Variants in RFX7 observed in about 807,000 individuals in gnomAD.
The protein encoded by RFX7 is DNA-binding protein RFX7.
Under a neutral mutation model 111.8 loss-of-function variants are expected in RFX7, and 26 were observed. The observed-to-expected ratio is 0.23, with a 90% confidence interval of 0.17 to 0.32. RFX7 has a LOEUF of 0.32. RFX7 is among the 10% of genes least tolerant of loss of function. The pLI is 1.00. For synonymous variants in RFX7, 624 were observed against 624.4 expected, an observed-to-expected ratio of 1.00 and a Z score of 0.01; for missense variants, 1,573 against 1,772.9, an observed-to-expected ratio of 0.89 and a Z score of 2.02.
At chr15:56,142,661 A>C in intron 5 of RFX7, 117 bp downstream of exon 5, 1 of 857,592 alleles carries the variant, frequency 1.2e-6, no homozygotes, top group South Asian at 2.0e-5. Flanking sequence ...GAGATTTCTA[A>C]GTGTAATTCC....
At chr15:56,165,812 G>A (rs1030016349) in intron 3 of RFX7, among the ~76,000 whole-genome samples, 3 of 152,188 alleles carry the variant, frequency 2.0e-5, no homozygotes, top group Admixed American at 1.3e-4. Context: ...TAGAAAATAA[G>A]ATGGTACACT....
At chr15:56,138,511 C>G (rs1319585546) in intron 5 of RFX7, among the ~76,000 whole-genome samples, 4 of 148,914 alleles carry the variant, frequency 2.7e-5, no homozygotes, top group African/African-American at 9.8e-5. Flanking sequence ...ATGTGTGTCT[C>G]TGCACGTGAG....
chr15:56,111,250 T>G (rs1177460442), intron 5 of RFX7, among the ~76,000 whole-genome samples: 1 of 149,890 alleles, frequency 6.7e-6, no homozygotes, highest in Non-Finnish European at 1.5e-5. Flanking sequence ...ATGGTTGCCG[T>G]GTCTGTGTAG....
At position 56,102,045 on chromosome 15, in the gene RFX7, T is replaced by C. The variant is rs2041760549; in HGVS notation, c.603+124A>G. ...ACATTTTTCAGCCACTGTGTGATTT[T>C]TTTTTTCTTATTTGTAAAAGGCACA... is the stretch of plus-strand genomic sequence containing the variant. On this transcript the variant is annotated intron_variant, in intron 7 of 9. Coordinates refer to ENST00000559447, the MANE Select transcript of RFX7 (RefSeq NM_022841.7). The C allele has an allele frequency of 5.7e-6, 4 of 695,908 alleles. No individual in the cohort carries two copies. In the South Asian group the frequency reaches 8.4e-5, roughly 15 times the overall value. 43.1% of individuals were successfully genotyped at this position (695,908 alleles called of 1,614,324 possible).
At chr15:56,137,162 A>G (rs566994203) in intron 5 of RFX7, among the ~76,000 whole-genome samples, 52 of 151,942 alleles carry the variant, frequency 3.4e-4, no homozygotes, top group African/African-American at 9.9e-4. Context: ...CTCTTTTTCT[A>G]TTGATTGGAA....
chr15:56,241,073 T>C (rs561598698), intron 2 of RFX7, among the ~76,000 whole-genome samples: 2 of 152,080 alleles, frequency 1.3e-5, no homozygotes, highest in South Asian at 2.1e-4. Context: ...TTTTTGCAAA[T>C]AGGATTTCTA....
intron 5 of RFX7, among the ~76,000 whole-genome samples, chr15:56,121,761 C>T (rs1409023334): frequency 6.6e-6 from 1 of 152,002 alleles, no homozygotes; most frequent in Non-Finnish European, 1.5e-5. Flanking sequence ...GTTCAAATAA[C>T]CTGTTTCAGG....
rs578116205 is a variant in RFX7, at chr15:56,108,103, T to A, written c.402-4433A>T. On this transcript the variant is annotated intron_variant, in intron 5 of 9. Transcript: ENST00000559447. ...AAAAAAAGCCCAGGACCAGATGGAC[T>A]CAAAGCCAAATTCTACCAGAGGTAC... 5.9e-5 allele frequency among the ~76,000 whole-genome samples: 9 copies of A among 152,284 alleles called. No homozygotes were observed. The East Asian group carries it at 1.5e-3, about 26-fold the overall frequency.
chr15:56,160,773 T>C (rs541220798), intron 3 of RFX7: 31 of 152,160 alleles, frequency 2.0e-4, no homozygotes, highest in African/African-American at 6.3e-4. Context: ...GTAAGGAAGA[T>C]AGAGAAAAAG....
chr15:56,100,371 ACT>A (rs1191053448), intron 8 of RFX7, among the ~76,000 whole-genome samples: 3 of 152,156 alleles, frequency 2.0e-5, no homozygotes, highest in Admixed American at 2.0e-4. Flanking sequence ...ACTCTGTGAC[ACT>A]CTTTTTCTGA....
At chr15:56,182,066 C>T (rs1441288336) in intron 2 of RFX7, among the ~76,000 whole-genome samples, 1 of 151,992 alleles carries the variant, frequency 6.6e-6, no homozygotes, top group Non-Finnish European at 1.5e-5. Context: ...AGACCACTAT[C>T]TAGTTGCAGA....
intron 5 of RFX7, among the ~76,000 whole-genome samples, chr15:56,130,832 G>C (rs2042202142): frequency 6.6e-6 from 1 of 151,886 alleles, no homozygotes. Flanking sequence ...CATATAAGAA[G>C]ATACAAAAGA....
intron 1 of RFX7, 47 bp from the exon 2 acceptor site, chr15:56,243,334 A>G: frequency 1.3e-6 from 1 of 799,878 alleles, no homozygotes; most frequent in South Asian, 2.1e-5. Flanking sequence ...GGCGCGGGGA[A>G]GGGTGAGGGA....
At chr15:56,161,765 A>T (rs2042722387) in intron 3 of RFX7, among the ~76,000 whole-genome samples, 1 of 152,050 alleles carries the variant, frequency 6.6e-6, no homozygotes, top group Non-Finnish European at 1.5e-5. Context: ...GTAAGAACCA[A>T]ATGAAATGCT....
At chr15:56,189,049 C>T (rs972431242) in intron 2 of RFX7, among the ~76,000 whole-genome samples, 5 of 152,116 alleles carry the variant, frequency 3.3e-5, no homozygotes, top group African/African-American at 1.2e-4. Flanking sequence ...GAACTCCTGA[C>T]CTCAGGTGAT....
intron 5 of RFX7, among the ~76,000 whole-genome samples, chr15:56,122,781 T>C (rs12592449): frequency 0.2 from 29,777 of 151,922 alleles, 3,340 homozygotes; most frequent in East Asian, 0.44. Context: ...CCCCTTTCCC[T>C]AGTCAGAGGA....
chr15:56,181,220 G>A (rs188261807), intron 2 of RFX7, among the ~76,000 whole-genome samples: 1 of 152,250 alleles, frequency 6.6e-6, no homozygotes, highest in Admixed American at 6.5e-5. Context: ...TGATAGCTCC[G>A]CGGCAGGAGT....
intron 3 of RFX7, among the ~76,000 whole-genome samples, chr15:56,176,108 G>A (rs1300745344): frequency 6.6e-6 from 1 of 152,028 alleles, no homozygotes; most frequent in African/African-American, 2.4e-5. Context: ...TCAGACAACA[G>A]GAAATCTTAA....
rs1161311389 is a variant in RFX7 at position 56,088,697 on chromosome 15, G to A, written c.*4648C>T. 1.2e-4 allele frequency: 19 copies of A among 152,028 alleles called. No individual in the cohort carries two copies. The highest frequency in any genetic ancestry group is 4.6e-4 in the African/African-American group (19 of 41,400). 9.4% of individuals were successfully genotyped at this position (152,028 alleles called of 1,614,324 possible). A position where few individuals can be genotyped will look rare whatever the true frequency, so the allele number is the denominator to read the frequency against. ...CATGTCAAAATAAATCTGTACTTCA[G>A]ATTTAACAAAATAAAAAGTTTGGTC... On this transcript the variant is annotated 3_prime_UTR_variant, in exon 10 of 10. Transcript: ENST00000559447.
Sources: allele counts gnomAD v4.1 joint callset (sites outside exome capture counted in the v4.1 genomes callset), GRCh38; gene constraint gnomAD v4.1.1; transcripts MANE v1.5; gene names NCBI Gene and HGNC (gene_info 2026-07-23, HGNC 2026-07-21).